Variants in PSD3 observed in about 807,000 individuals in gnomAD.
PSD3 encodes PH and SEC7 domain-containing protein 3.
A neutral mutation model predicts 105.5 loss-of-function variants in PSD3; 49 were observed. The observed-to-expected ratio is 0.46, with a 90% CI of 0.37 to 0.59. The LOEUF (loss-of-function observed/expected upper bound fraction) is 0.59, where lower values mean the gene tolerates loss of function less well. Ranked by LOEUF, PSD3 falls within the 20% of genes least tolerant of loss-of-function variation. The pLI, the probability that PSD3 is intolerant of heterozygous loss-of-function variation, is 0.00. For missense variants in PSD3, 1,561 were observed against 1,263.8 expected (o/e 1.24, Z -3.57); for synonymous variants, 557 against 457.8 (o/e 1.22, Z -2.77).
chr8:18,866,172 G>A (rs1007143995), intron 4 of PSD3, among the ~76,000 whole-genome samples: 7 of 152,156 alleles, frequency 4.6e-5, no homozygotes, highest in African/African-American at 7.2e-5. Flanking sequence ...TTCCTACAGC[G>A]TTTTATCACA....
chr8:18,833,104 G>C (rs1180835987), intron 4 of PSD3, among the ~76,000 whole-genome samples: 1 of 152,232 alleles, frequency 6.6e-6, no homozygotes, highest in Non-Finnish European at 1.5e-5. Context: ...CTTTAAAGGA[G>C]CAATGCAATA....
At chr8:18,734,019 T>C (rs922458651) in intron 9 of PSD3, 1 of 152,212 alleles carries the variant, frequency 6.6e-6, no homozygotes, top group African/African-American at 2.4e-5. Flanking sequence ...GCAGCACTTA[T>C]TTAACATATC....
chr8:18,815,006 C>T (rs959616815), intron 4 of PSD3, among the ~76,000 whole-genome samples: 20 of 152,152 alleles, frequency 1.3e-4, no homozygotes, highest in Non-Finnish European at 2.8e-4. Context: ...AGCTGGGTAC[C>T]CACACCACCA....
chr8:18,546,183 G>C (rs978746791), intron 15 of PSD3, among the ~76,000 whole-genome samples: 8 of 152,148 alleles, frequency 5.3e-5, no homozygotes, highest in Non-Finnish European at 8.8e-5. Context: ...TTTTAGTAGA[G>C]AAGGTATTTT....
intron 2 of PSD3, among the ~76,000 whole-genome samples, chr8:18,911,776 A>T (rs1324316124): frequency 1.3e-5 from 2 of 152,200 alleles, no homozygotes; most frequent in South Asian, 2.1e-4. Flanking sequence ...ACACCTACAG[A>T]TACACACACA....
chr8:18,982,828 A>T (rs1825309618), intron 1 of PSD3, among the ~76,000 whole-genome samples: 1 of 152,146 alleles, frequency 6.6e-6, no homozygotes, highest in African/African-American at 2.4e-5. Context: ...TAGATCTAGC[A>T]TAATTCTGAA....
chr8:18,627,654 G>A (rs549215901), intron 11 of PSD3, among the ~76,000 whole-genome samples: 8 of 152,100 alleles, frequency 5.3e-5, no homozygotes, highest in African/African-American at 7.2e-5. Flanking sequence ...AAAGGCAAGC[G>A]TCTAAAGAAT....
At chr8:18,754,223 A>C (rs952117263) in intron 9 of PSD3, among the ~76,000 whole-genome samples, 1 of 152,098 alleles carries the variant, frequency 6.6e-6, no homozygotes, top group African/African-American at 2.4e-5. Context: ...GTCTCTACTA[A>C]AAATACAAAA....
chr8:18,908,046 A>T (rs1819961678), intron 2 of PSD3, among the ~76,000 whole-genome samples: 1 of 152,238 alleles, frequency 6.6e-6, no homozygotes, highest in Non-Finnish European at 1.5e-5. Context: ...ATGTAGATAA[A>T]CTGATGAATG....
chr8:18,884,666 A>T (rs1818341564), intron 2 of PSD3, among the ~76,000 whole-genome samples: 1 of 152,216 alleles, frequency 6.6e-6, no homozygotes, highest in Non-Finnish European at 1.5e-5. Context: ...CCACTACACA[A>T]GCTTCTAACG....
chr8:18,801,218 G>T, intron 7 of PSD3, 52 bp downstream of exon 7: 1 of 1,151,626 alleles, frequency 8.7e-7, no homozygotes, highest in Non-Finnish European at 1.3e-6. Flanking sequence ...TTCATAATAA[G>T]GAAAATAACC....
intron 1 of PSD3, among the ~76,000 whole-genome samples, chr8:19,078,980 T>G (rs1302891227): frequency 6.6e-6 from 1 of 151,852 alleles, no homozygotes; most frequent in East Asian, 2.0e-4. Flanking sequence ...TCCAATTGCT[T>G]TTCAACATGT....
At chr8:18,808,230 T>C (rs1031699791) in intron 4 of PSD3, among the ~76,000 whole-genome samples, 1 of 152,240 alleles carries the variant, frequency 6.6e-6, no homozygotes, top group Non-Finnish European at 1.5e-5. Flanking sequence ...GTGCTTTTCC[T>C]ATCATGTAGT....
chr8:18,823,426 T>C (rs997758080), intron 4 of PSD3, among the ~76,000 whole-genome samples: 2 of 152,154 alleles, frequency 1.3e-5, no homozygotes, highest in African/African-American at 4.8e-5. Context: ...ACAAGTAAAG[T>C]GGCAATAATA....
intron 1 of PSD3, among the ~76,000 whole-genome samples, chr8:18,949,112 C>T (rs1277164601): frequency 6.7e-6 from 1 of 148,194 alleles, no homozygotes; most frequent in Non-Finnish European, 1.5e-5. Flanking sequence ...GTCCCAGCTA[C>T]TCGGGAGGCT....
At chr8:18,861,196 C>T (rs1033091763) in intron 4 of PSD3, among the ~76,000 whole-genome samples, 1 of 152,134 alleles carries the variant, frequency 6.6e-6, no homozygotes, top group Non-Finnish European at 1.5e-5. Flanking sequence ...ACTTAGCTTC[C>T]ATCCTGGGCT....
At chr8:18,736,708 G>GA (rs1461560273) in intron 9 of PSD3, among the ~76,000 whole-genome samples, 6 of 151,986 alleles carry the variant, frequency 3.9e-5, no homozygotes, top group Non-Finnish European at 8.8e-5. Context: ...AACAAGAGAT[G>GA]AAAAAAATTG....
chr8:18,797,897 A>C (rs1301964171), intron 8 of PSD3, among the ~76,000 whole-genome samples: 1 of 152,136 alleles, frequency 6.6e-6, no homozygotes, highest in Non-Finnish European at 1.5e-5. Flanking sequence ...GCTGGTGATC[A>C]CTGACTTGAT....
chr8:19,041,323 A>G (rs1828116586), intron 1 of PSD3, among the ~76,000 whole-genome samples: 1 of 152,238 alleles, frequency 6.6e-6, no homozygotes, highest in Non-Finnish European at 1.5e-5. Context: ...TGGCTGAGCT[A>G]ATATCCTATC....
Sources: allele counts gnomAD v4.1 joint callset (sites outside exome capture counted in the v4.1 genomes callset), GRCh38; gene constraint gnomAD v4.1.1; transcripts MANE v1.5; gene names NCBI Gene and HGNC (gene_info 2026-07-23, HGNC 2026-07-21).